Variants in ZBTB40 observed in about 807,000 individuals in gnomAD.
The protein encoded by ZBTB40 is zinc finger and BTB domain-containing protein 40.
ZBTB40 carries 60 observed loss-of-function variants against 117.5 expected under a neutral mutation model. The observed-to-expected ratio is 0.51, with a 90% CI of 0.41 to 0.63. The LOEUF (loss-of-function observed/expected upper bound fraction) is 0.63, where lower values mean the gene tolerates loss of function less well. Among genes scored for constraint, ZBTB40 ranks in the 30% least tolerant of loss-of-function variants. ZBTB40 has a pLI of 0.00. For missense variants in ZBTB40, 1,287 were observed against 1,498.5 expected (o/e 0.86, Z 2.33); for synonymous variants, 525 against 577.1 (o/e 0.91, Z 1.29).
intron 9 of ZBTB40, among the ~76,000 whole-genome samples, chr1:22,509,990 A>C (rs1010158038): frequency 1.3e-5 from 2 of 152,376 alleles, no homozygotes; most frequent in Middle Eastern, 3.4e-3. Flanking sequence ...GGCTTCTAGA[A>C]AGAGCCAAGA....
chr1:22,458,706 A>G (rs1641061190), intron 1 of ZBTB40, among the ~76,000 whole-genome samples: 1 of 152,176 alleles, frequency 6.6e-6, no homozygotes. Context: ...TTTCTTGAAT[A>G]CTTTTTTAAA....
rs200048945 is a variant in ZBTB40 at position 22,508,725 on chromosome 1, C to T, written c.1693C>T (p.Arg565Trp). 69 of 1,613,416 alleles carry T rather than the reference C, an allele frequency of 4.3e-5. No individual in the cohort carries two copies. The highest frequency in any genetic ancestry group is 1.6e-4 in the South Asian group (15 of 91,038). The change falls in exon 8 of 18, where the codon CGG becomes TGG. Residue 565 changes from arginine (R) to tryptophan (W), a missense_variant. By Grantham distance (101) the Arg-to-Trp change is moderately radical. Transcript: ENST00000375647. ...RREPGADAFF[R>W]AVTTPEHATL... ...GGAGCCTGGTGCCGATGCTTTCTTC[C>T]GGGCAGGTAAGTTACCTGCCCTCTG...
chr1:22,448,800 ATTTCTTTT>A (rs72414503), upstream of ZBTB40, among the ~76,000 whole-genome samples: 44,104 of 151,378 alleles, frequency 0.29, 7,801 homozygotes, highest in East Asian at 0.45. Flanking sequence ...TGGTTGTGTT[ATTTCTTTT>A]TTTCTTTTTA....
intron 1 of ZBTB40, among the ~76,000 whole-genome samples, chr1:22,436,336 C>A (rs947237558): frequency 6.6e-6 from 1 of 151,898 alleles, no homozygotes; most frequent in African/African-American, 2.4e-5. Context: ...ATGGTGAAAC[C>A]CTGTCTCTAC....
intron 1 of ZBTB40, among the ~76,000 whole-genome samples, chr1:22,475,794 C>T (rs1332106142): frequency 1.3e-5 from 2 of 152,178 alleles, no homozygotes; most frequent in Non-Finnish European, 2.9e-5. Flanking sequence ...TCCTTTTGCT[C>T]CCACACAGCA....
At chr1:22,431,359 ATT>A (rs1308928380) in intron 1 of ZBTB40, among the ~76,000 whole-genome samples, 6 of 93,652 alleles carry the variant, frequency 6.4e-5, no homozygotes, top group Non-Finnish European at 9.3e-5. Flanking sequence ...ATACATATAT[ATT>A]TTGTGTGTGT....
upstream of ZBTB40, among the ~76,000 whole-genome samples, chr1:22,449,691 A>T (rs922928962): frequency 3.3e-5 from 5 of 152,204 alleles, no homozygotes; most frequent in Non-Finnish European, 4.4e-5. Context: ...GTATTCATTT[A>T]AAAAAAGTTA....
rs957140085 is a variant in ZBTB40, at chr1:22,485,900, C to G, written c.-69-3980C>G. 2.0e-5 allele frequency among the ~76,000 whole-genome samples: 3 copies of G among 151,622 alleles called. No homozygotes were observed. The East Asian group carries it at 5.8e-4, about 29-fold the overall frequency. ...CTCTAGCATTTCTTTTTGATTCTTTCTTAGAATTTCCATTTCTCTGCTTAC... is the reference window on the plus strand; with the variant it reads ...CTCTAGCATTTCTTTTTGATTCTTTGTTAGAATTTCCATTTCTCTGCTTAC... On this transcript the variant is annotated intron_variant, in intron 1 of 17. Transcript: ENST00000375647.
Position 22,526,921 on chromosome 1 carries a change from G to C in ZBTB40, c.*525G>C, listed in dbSNP as rs74707424. The C allele has an allele frequency of 4.3e-6, 1 of 231,396 alleles. No individual in the cohort carries two copies. Among genetic ancestry groups the C allele is most frequent in the South Asian group, 6.3e-5 (1 of 15,784 alleles). 14.3% of individuals were successfully genotyped at this position (231,396 alleles called of 1,614,324 possible). A position where few individuals can be genotyped will look rare whatever the true frequency, so the allele number is the denominator to read the frequency against. ...CTGAGGCACACTTGGCCCCTTCCTC[G>C]GTCCTATCATCCTACCCTCTGCTGG... On this transcript the variant is annotated 3_prime_UTR_variant, in exon 18 of 18. Transcript: ENST00000375647.
upstream of ZBTB40, among the ~76,000 whole-genome samples, chr1:22,449,364 A>C (rs1040035771): frequency 6.6e-6 from 1 of 152,206 alleles, no homozygotes; most frequent in African/African-American, 2.4e-5. Context: ...GCAGCTGTCG[A>C]AGCTCTGTGG....
intron 1 of ZBTB40, among the ~76,000 whole-genome samples, chr1:22,468,275 C>T (rs1641306233): frequency 6.6e-6 from 1 of 151,960 alleles, no homozygotes; most frequent in Non-Finnish European, 1.5e-5. Context: ...TTAGTTCTGC[C>T]AAATCCGAGT....
At chr1:22,514,252 A>G (rs1170469079) in intron 12 of ZBTB40, among the ~76,000 whole-genome samples, 1 of 152,202 alleles carries the variant, frequency 6.6e-6, no homozygotes, top group Non-Finnish European at 1.5e-5. Flanking sequence ...CCATTGTTTG[A>G]CGTGGACTGT....
At chr1:22,493,972 C>T (rs918180210) in intron 3 of ZBTB40, among the ~76,000 whole-genome samples, 12 of 151,854 alleles carry the variant, frequency 7.9e-5, no homozygotes, top group East Asian at 1.9e-4. Flanking sequence ...CTTTATAAGC[C>T]TCAGTGTCCT....
At chr1:22,458,457 C>T (rs538412706) in intron 1 of ZBTB40, among the ~76,000 whole-genome samples, 7 of 152,330 alleles carry the variant, frequency 4.6e-5, no homozygotes, top group African/African-American at 1.7e-4. Flanking sequence ...GGCCACATTC[C>T]AAGGCTTCAA....
intron 3 of ZBTB40, among the ~76,000 whole-genome samples, 164 bp downstream of exon 3, chr1:22,491,697 T>C (rs560715271): frequency 6.6e-6 from 1 of 152,028 alleles, no homozygotes; most frequent in African/African-American, 2.4e-5. Flanking sequence ...CTTGCAAAAG[T>C]ACTTAGGCAG....
chr1:22,453,680 G>A (rs1220294335), intron 1 of ZBTB40, among the ~76,000 whole-genome samples: 1 of 152,156 alleles, frequency 6.6e-6, no homozygotes, highest in Non-Finnish European at 1.5e-5. Flanking sequence ...TTTACGCATA[G>A]AGGAAACAAA....
chr1:22,481,911 T>A (rs895798721), intron 1 of ZBTB40, among the ~76,000 whole-genome samples: 5 of 151,206 alleles, frequency 3.3e-5, no homozygotes, highest in African/African-American at 1.2e-4. Context: ...TGTTCAGATT[T>A]TTCTCAAATA....
chr1:22,485,518 A>G (rs1368751196), intron 1 of ZBTB40, among the ~76,000 whole-genome samples: 1 of 151,936 alleles, frequency 6.6e-6, no homozygotes, highest in African/African-American at 2.4e-5. Context: ...CTTTGTTACC[A>G]TGGCCATCTT....
intron 1 of ZBTB40, among the ~76,000 whole-genome samples, chr1:22,429,903 G>A (rs948503264): frequency 6.6e-6 from 1 of 152,154 alleles, no homozygotes; most frequent in Non-Finnish European, 1.5e-5. Context: ...GCTGAGGCAG[G>A]AGAATCGCTT....
Sources: gnomAD v4.1 joint callset for allele counts (sites outside exome capture counted in the v4.1 genomes callset) on GRCh38, gnomAD v4.1.1 for gene constraint, MANE v1.5 for transcripts, NCBI Gene and HGNC (gene_info 2026-07-23, HGNC 2026-07-21) for gene names.